IFT122: variants seen among roughly 807,000 people sequenced by gnomAD.
IFT122 encodes the protein intraflagellar transport 122, also known as intraflagellar transport protein 122 homolog.
In IFT122, 118 loss-of-function variants were observed where a neutral mutation model predicts 161.6. The observed-to-expected ratio is 0.73, with a 90% confidence interval of 0.63 to 0.85. The LOEUF (loss-of-function observed/expected upper bound fraction) is 0.85, where lower values mean the gene tolerates loss of function less well. Among genes scored for constraint, IFT122 ranks in the 40% least tolerant of loss-of-function variants. The pLI is 0.00. For synonymous variants in IFT122, 550 were observed against 602.4 expected (o/e 0.91, Z 1.27); for missense variants, 1,381 against 1,579.6 (o/e 0.87, Z 2.13).
intron 11 of IFT122, among the ~76,000 whole-genome samples, chr3:129,477,562 T>G (rs1392935405): frequency 6.6e-6 from 1 of 152,218 alleles, no homozygotes; most frequent in Non-Finnish European, 1.5e-5. Context: ...AGCTTCACAG[T>G]GTCCCCCTTA....
intron 3 of IFT122, 81 bp from the exon 4 acceptor site, chr3:129,458,518 A>C (rs1258113855): frequency 1.7e-6 from 2 of 1,176,668 alleles, no homozygotes; most frequent in Non-Finnish European, 1.3e-6. Context: ...TACCTTAAAG[A>C]ACTAGTTTTC....
chr3:129,462,664 GC>G (rs1041242427), intron 5 of IFT122, among the ~76,000 whole-genome samples: 1 of 152,186 alleles, frequency 6.6e-6, no homozygotes, highest in Non-Finnish European at 1.5e-5. Context: ...CAGGGGAAAG[GC>G]AAAAAATAAC....
intron 24 of IFT122, 182 bp from the exon 25 acceptor site, chr3:129,514,207 C>T (rs2083182788): frequency 1.4e-6 from 1 of 723,226 alleles, no homozygotes; most frequent in African/African-American, 1.7e-5. Context: ...AATTCCTGGG[C>T]CTTGCCATCC....
chr3:129,451,202 G>A lies in IFT122; in HGVS notation c.109-712G>A, dbSNP rs965355295. ...CAGCCTCAAACTCCTGGGCTTAAGG[G>A]ATCTTCCCACCTCAGCCTCCCGAGT... On this transcript the variant is annotated intron_variant, in intron 2 of 29. Coordinates refer to ENST00000348417, the MANE Select transcript of IFT122 (RefSeq NM_052989.3). 2.0e-5 allele frequency among the ~76,000 whole-genome samples: 3 copies of A among 151,646 alleles called. No individual in the cohort carries two copies. In the South Asian group the frequency reaches 6.3e-4, roughly 32 times the overall value.
chr3:129,478,910 C>T (rs1323561571), intron 12 of IFT122, among the ~76,000 whole-genome samples: 1 of 151,994 alleles, frequency 6.6e-6, no homozygotes, highest in Non-Finnish European at 1.5e-5. Context: ...AGTTTTAATT[C>T]CTGAAAGATT....
At chr3:129,496,819 T>C (rs1011223739) in intron 18 of IFT122, among the ~76,000 whole-genome samples, 3 of 152,186 alleles carry the variant, frequency 2.0e-5, no homozygotes, top group African/African-American at 7.2e-5. Flanking sequence ...CCTAGAAGAT[T>C]TCATAACACA....
chr3:129,504,441 A>C lies in IFT122; in HGVS notation c.2650+20A>C, dbSNP rs148941657. On this transcript the variant is annotated intron_variant, in intron 21 of 29. Transcript: ENST00000348417. Reference sequence around the variant, plus strand: ...AGAAAGGTAGGCAACACAGACTGTCACCTTCTAGAAGGAGCAGGAGAAGTT... The same window carrying C: ...AGAAAGGTAGGCAACACAGACTGTCCCCTTCTAGAAGGAGCAGGAGAAGTT... 1 of 1,590,378 alleles carries C rather than the reference A, an allele frequency of 6.3e-7. No homozygotes were observed. The highest frequency in any genetic ancestry group is 1.3e-5 in the African/African-American group (1 of 74,588).
chr3:129,467,116 C>A, intron 8 of IFT122, 50 bp downstream of exon 8: 1 of 1,555,216 alleles, frequency 6.4e-7, no homozygotes, highest in East Asian at 2.3e-5. Flanking sequence ...GCCCAGGCCC[C>A]ACACAGACTT....
intron 28 of IFT122, 87 bp downstream of exon 28, chr3:129,519,273 TGGA>T (rs1457868595): frequency 7.2e-6 from 9 of 1,255,204 alleles, no homozygotes; most frequent in Admixed American, 3.4e-5. Flanking sequence ...AGCGCAGTGG[TGGA>T]GGAGGATTGG....
chr3:129,516,123 GCA>G (rs768426996), intron 26 of IFT122, among the ~76,000 whole-genome samples: 1 of 120,718 alleles, frequency 8.3e-6, no homozygotes, highest in Non-Finnish European at 1.7e-5. Context: ...GACTGCCCCT[GCA>G]CACACAGAGA....
intron 1 of IFT122, among the ~76,000 whole-genome samples, chr3:129,441,899 C>T (rs1014108287): frequency 6.6e-6 from 1 of 152,144 alleles, no homozygotes; most frequent in Admixed American, 6.5e-5. Flanking sequence ...CATTTGGCTT[C>T]AATGTCAGAG....
rs779236068 is a variant in IFT122, at chr3:129,502,738, C to T, written c.2403C>T (p.Asp801=). ...TGATCGACATCGCCCGCAAACTGGA[C>T]AAGGCTGAGCGCGAGCCCCTGCTGC... ...DMLIDIARKL[D]KAEREPLLLC... The change falls in exon 20 of 30, where the codon GAC becomes GAT. Residue 801 remains aspartate (D), a synonymous_variant. Coordinates refer to ENST00000348417, the MANE Select transcript of IFT122 (RefSeq NM_052989.3). 20 of 1,610,012 alleles carry T rather than the reference C, an allele frequency of 1.2e-5. No individual in the cohort carries two copies. Among genetic ancestry groups the T allele is most frequent in the Non-Finnish European group, 1.7e-5 (20 of 1,180,030 alleles).
rs139251443 is a variant in IFT122 at position 129,466,064 on chromosome 3, CT to C, written c.564-825del. Among the ~76,000 whole-genome samples the C allele has an allele frequency of 8.8e-3, 1,341 of 152,298 alleles. 15 individuals carry two copies. The highest frequency in any genetic ancestry group is 0.031 in the African/African-American group (1,276 of 41,552). The stretch of plus-strand genomic sequence containing the variant: ...CCTCAGGTTATCCACCCACCTCAGC[CT>C]CCCAAAGTGCTGAGATTACAGGTGT... On this transcript the variant is annotated intron_variant, in intron 7 of 29. Coordinates refer to ENST00000348417, the MANE Select transcript of IFT122 (RefSeq NM_052989.3).
chr3:129,517,089 CT>C (rs2083966764), intron 26 of IFT122, among the ~76,000 whole-genome samples: 2 of 142,702 alleles, frequency 1.4e-5, no homozygotes, highest in African/African-American at 5.4e-5. Context: ...CACACAGAGA[CT>C]GCCCCTGCAC....
At chr3:129,464,590 G>A in intron 6 of IFT122, 45 bp from the exon 7 acceptor site, 2 of 1,613,270 alleles carry the variant, frequency 1.2e-6, no homozygotes, top group East Asian at 2.2e-5. Flanking sequence ...ACCTTCTGTG[G>A]GGTGCTTCCC....
intron 17 of IFT122, among the ~76,000 whole-genome samples, chr3:129,494,285 ATCC>A (rs2080554182): frequency 6.6e-6 from 1 of 151,532 alleles, no homozygotes; most frequent in South Asian, 2.1e-4. Context: ...GGCTCAAGTG[ATCC>A]TCCTCTTTTG....
At chr3:129,465,376 C>T (rs577027085) in intron 7 of IFT122, among the ~76,000 whole-genome samples, 1 of 151,668 alleles carries the variant, frequency 6.6e-6, no homozygotes, top group Non-Finnish European at 1.5e-5. Flanking sequence ...CCTAGAGATA[C>T]ACAAACAATT....
chr3:129,481,677 A>G lies in IFT122; in HGVS notation c.1636A>G (p.Lys546Glu). ...TTGCCTGGTGTATGACATCGACACCAAGGAGCTGCTTTTTCAGGTGAAGTC... is the reference window on the plus strand; with the variant it reads ...TTGCCTGGTGTATGACATCGACACCGAGGAGCTGCTTTTTCAGGTGAAGTC... ...DTCLVYDIDT[K>E]ELLFQEPNAN... The change falls in exon 14 of 30, where the codon AAG becomes GAG. Residue 546 changes from lysine (K) to glutamate (E), a missense_variant. Physicochemically the swap from Lys to Glu is moderately conservative, Grantham distance 56 (BLOSUM62 1). This residue lies in a region of IFT122 where 544 missense variants were observed against 648.0 expected (regional missense o/e 0.84). Coordinates refer to ENST00000348417, the MANE Select transcript of IFT122 (RefSeq NM_052989.3). The G allele has an allele frequency of 6.2e-7, 1 of 1,614,100 alleles. No individual in the cohort carries two copies. Among genetic ancestry groups the G allele is most frequent in the Non-Finnish European group, 8.5e-7 (1 of 1,179,962 alleles).
At position 129,517,504 on chromosome 3, in the gene IFT122, G is replaced by A. The variant is rs763716993; in HGVS notation, c.3301G>A (p.Gly1101Arg). The part of the protein sequence containing the change: ...LHLVEFYLEE[G>R]ITDEEAISLI... ...CCTGGTTGAGTTCTACCTGGAGGAA[G>A]GGATCACTGATGAAGAAGCCATCTC... Residue 1101 changes from glycine (G) to arginine (R), a missense_variant, in exon 27 of 30, where the codon GGG (glycine) becomes AGG (arginine). This residue lies in a region of IFT122 where 177 missense variants were observed against 199.2 expected (regional missense o/e 0.89). Coordinates refer to ENST00000348417, the MANE Select transcript of IFT122 (RefSeq NM_052989.3). The A allele has an allele frequency of 2.5e-6, 4 of 1,614,004 alleles. No individual in the cohort carries two copies. The highest frequency in any genetic ancestry group is 3.4e-6 in the Non-Finnish European group (4 of 1,179,908).
Sources: allele counts gnomAD v4.1 joint callset (sites outside exome capture counted in the v4.1 genomes callset), GRCh38; gene constraint gnomAD v4.1.1; regional missense constraint gnomAD v4.1.1; transcripts MANE v1.5; gene names NCBI Gene and HGNC (gene_info 2026-07-23, HGNC 2026-07-21).